TMEM35A: variants seen among roughly 807,000 people sequenced by gnomAD.
TMEM35A encodes transmembrane protein 35A, also known as nicotinic acetylcholine receptor chaperone.
For missense variants in TMEM35A, 83 were observed against 132.7 expected (o/e 0.63, Z 1.84); for synonymous variants, 50 against 54.7 (o/e 0.91, Z 0.38).
chrX:101,084,623 G>A (rs2089301761), intron 1 of TMEM35A, among the ~76,000 whole-genome samples: 1 of 111,574 alleles, frequency 9.0e-6, no homozygotes, highest in Non-Finnish European at 1.9e-5. Flanking sequence ...CCAGCACTTT[G>A]GGAGGCCAAG....
intron 1 of TMEM35A, among the ~76,000 whole-genome samples, chrX:101,085,410 G>A (rs1366315984): frequency 1.8e-5 from 2 of 110,327 alleles, no homozygotes; most frequent in Non-Finnish European, 3.8e-5. Context: ...AGACCAGCCT[G>A]GCCAACATGG....
intron 1 of TMEM35A, among the ~76,000 whole-genome samples, chrX:101,082,812 T>G (rs1260298380): frequency 9.1e-6 from 1 of 109,653 alleles, no homozygotes; most frequent in African/African-American, 3.3e-5. Flanking sequence ...GCCTGCCTAA[T>G]TTTTGTATTT....
chrX:101,090,836 ATT>A (rs1173631039), intron 1 of TMEM35A, among the ~76,000 whole-genome samples: 3,699 of 95,857 alleles, frequency 0.039, 210 homozygotes, highest in African/African-American at 0.13. Flanking sequence ...GTTCTGTAGA[ATT>A]TTTTTTTTTT....
chrX:101,084,006 T>C (rs778839166), intron 1 of TMEM35A, among the ~76,000 whole-genome samples: 19 of 108,979 alleles, frequency 1.7e-4, no homozygotes, highest in African/African-American at 5.7e-4. Context: ...CTGACCAACA[T>C]GGAGAAGCCC....
chrX:101,091,606 A>G (rs1262946945), intron 1 of TMEM35A, among the ~76,000 whole-genome samples: 1 of 112,202 alleles, frequency 8.9e-6, no homozygotes, highest in Non-Finnish European at 1.9e-5. Flanking sequence ...TGCCCGGCCT[A>G]TTTCCAGAGG....
intron 1 of TMEM35A, among the ~76,000 whole-genome samples, chrX:101,093,717 T>C (rs1277867440): frequency 1.8e-5 from 2 of 112,425 alleles, no homozygotes; most frequent in Non-Finnish European, 3.7e-5. Context: ...CTTAGTCCAT[T>C]CAGACTGGTA....
At chrX:101,091,394 C>G (rs929343587) in intron 1 of TMEM35A, among the ~76,000 whole-genome samples, 1 of 108,766 alleles carries the variant, frequency 9.2e-6, no homozygotes, top group African/African-American at 3.4e-5. Flanking sequence ...CCTTGAACTC[C>G]TGGGCTCAGG....
intron 1 of TMEM35A, among the ~76,000 whole-genome samples, chrX:101,084,188 C>CAA (rs746718674): frequency 0.013 from 427 of 31,665 alleles, 6 homozygotes; most frequent in Non-Finnish European, 0.019. Flanking sequence ...AACTCCATCT[C>CAA]AAAAAAAAAA....
At chrX:101,088,282 A>G (rs1195592988) in intron 1 of TMEM35A, among the ~76,000 whole-genome samples, 1 of 112,481 alleles carries the variant, frequency 8.9e-6, no homozygotes, top group Non-Finnish European at 1.9e-5. Flanking sequence ...GGATTTAGGA[A>G]TTGCCTCTTG....
chrX:101,095,287 C>CTG lies in TMEM35A; in HGVS notation c.*354_*355dup, dbSNP rs763405322. On this transcript the variant is annotated 3_prime_UTR_variant, in exon 2 of 2. Transcript: ENST00000372930. ...GTGTGGGAAAATGTATTTAACTACT[C>CTG]TGTGTGTGTGTGTGTGTGTGTGTGC... is the stretch of plus-strand genomic sequence containing the variant. The CTG allele has an allele frequency of 0.011, 1,533 of 142,159 alleles. 9 individuals carry two copies. The highest frequency in any genetic ancestry group is 0.017 in the African/African-American group (407 of 24,243). The allele number at this position is 142,159 out of a possible 1,213,427, so 11.7% of individuals were successfully genotyped here.
rs926516553 is a variant in TMEM35A, at chrX:101,086,376, C to T, written c.120+7254C>T. The stretch of plus-strand genomic sequence containing the variant: ...CCTCAAGTGATCCACCCATCTTGGC[C>T]TCCCACAGTGCTGGGGTTATAGGCG... On this transcript the variant is annotated intron_variant, in intron 1 of 1. Transcript: ENST00000372930. 1.8e-5 allele frequency among the ~76,000 whole-genome samples: 2 copies of T among 112,153 alleles called. 1 individual carries two copies. Among genetic ancestry groups the T allele is most frequent in the Admixed American group, 1.9e-4 (2 of 10,524 alleles).
At position 101,078,980 on chromosome X, in the gene TMEM35A, T is replaced by C; in HGVS notation, c.-23T>C. ...CGGGTGCGCAAATCAGAAGGATTAGTTGGGACCTGCCTTGGCGACCCCATG... is the reference window on the plus strand; with the variant it reads ...CGGGTGCGCAAATCAGAAGGATTAGCTGGGACCTGCCTTGGCGACCCCATG... On this transcript the variant is annotated 5_prime_UTR_variant, in exon 1 of 2. Coordinates refer to ENST00000372930, the MANE Select transcript of TMEM35A (RefSeq NM_021637.3). The C allele has an allele frequency of 8.3e-7, 1 of 1,211,250 alleles. No individual in the cohort carries two copies. The highest frequency in any genetic ancestry group is 3.0e-5 in the East Asian group (1 of 33,805).
At chrX:101,093,130 T>G (rs1484699964) in intron 1 of TMEM35A, among the ~76,000 whole-genome samples, 1 of 111,777 alleles carries the variant, frequency 8.9e-6, no homozygotes, top group African/African-American at 3.2e-5. Context: ...TTAGGGAAGT[T>G]CAAATTAGTG....
intron 1 of TMEM35A, among the ~76,000 whole-genome samples, chrX:101,080,297 A>AGGGCC (rs1180960524): frequency 1.8e-5 from 2 of 111,739 alleles, no homozygotes; most frequent in Non-Finnish European, 3.8e-5. Context: ...AGAGCTTTCC[A>AGGGCC]GGGCCCCTTA....
chrX:101,087,086 A>C (rs1347537822), intron 1 of TMEM35A, among the ~76,000 whole-genome samples: 1 of 107,507 alleles, frequency 9.3e-6, no homozygotes, highest in Non-Finnish European at 1.9e-5. Context: ...CCTCCCGAGT[A>C]GCTGGGATTA....
intron 1 of TMEM35A, chrX:101,081,536 C>T (rs1274772288): frequency 8.9e-6 from 1 of 111,822 alleles, no homozygotes; most frequent in Non-Finnish European, 1.9e-5. Context: ...AGTTCAGGAG[C>T]CATTTCTTGC....
Position 101,094,684 on chromosome X carries a change from G to A in TMEM35A, c.232G>A (p.Val78Ile), listed in dbSNP as rs186789918. The A allele has an allele frequency of 2.6e-5, 31 of 1,209,498 alleles. No homozygotes were observed. The East Asian group carries it at 7.7e-4, about 30-fold the overall frequency. Residue 78 changes from valine to isoleucine, a missense_variant, in exon 2 of 2, where the codon GTC becomes ATC. By Grantham distance (29) the Val-to-Ile change is conservative (BLOSUM62 3). Transcript: ENST00000372930. Reference sequence around the variant, plus strand: ...TGCCCTTGAAGTGGCCTGTGGCATCGTCATGACCCTTGTGCCTGGGCGTCC... The same window carrying A: ...TGCCCTTGAAGTGGCCTGTGGCATCATCATGACCCTTGTGCCTGGGCGTCC... ...IGALEVACGI[V>I]MTLVPGRPKD...
intron 1 of TMEM35A, chrX:101,082,007 AC>A (rs2089293158): frequency 9.0e-6 from 1 of 110,819 alleles, no homozygotes; most frequent in South Asian, 3.8e-4. Context: ...AACACCTGGC[AC>A]AGTCTTCCTC....
intron 1 of TMEM35A, among the ~76,000 whole-genome samples, chrX:101,092,427 A>G (rs2089326682): frequency 8.9e-6 from 1 of 111,772 alleles, no homozygotes; most frequent in East Asian, 2.8e-4. Flanking sequence ...TTTATGTACC[A>G]CTAACTGTGC....
Sources: gnomAD v4.1 joint callset for allele counts (sites outside exome capture counted in the v4.1 genomes callset) on GRCh38, gnomAD v4.1.1 for gene constraint, MANE v1.5 for transcripts, NCBI Gene and HGNC (gene_info 2026-07-23, HGNC 2026-07-21) for gene names.